Variants in VPS39 observed in about 807,000 individuals in gnomAD.
VPS39 encodes the protein VPS39 subunit of HOPS complex, also known as vam6/Vps39-like protein.
A neutral mutation model predicts 121.0 loss-of-function variants in VPS39; 70 were observed. That is an observed-to-expected ratio of 0.58 (90% CI 0.48 to 0.71). The LOEUF (loss-of-function observed/expected upper bound fraction) is 0.71, where lower values mean the gene tolerates loss of function less well. Ranked by LOEUF, VPS39 falls within the 30% of genes least tolerant of loss-of-function variation. VPS39 has a pLI of 0.00. For missense variants in VPS39, 818 were observed against 1,051.5 expected (o/e 0.78, Z 3.07); for synonymous variants, 378 against 398.1 (o/e 0.95, Z 0.60).
chr15:42,167,031 C>A, intron 13 of VPS39, 118 bp from the exon 14 acceptor site: 1 of 1,437,166 alleles, frequency 7.0e-7, no homozygotes. Flanking sequence ...AGAAAGCAGA[C>A]AGCCCTCTTT....
intron 10 of VPS39, among the ~76,000 whole-genome samples, chr15:42,175,142 G>A (rs762938071): frequency 2.6e-5 from 4 of 152,122 alleles, no homozygotes; most frequent in Admixed American, 6.5e-5. Context: ...GGCCGGGCGC[G>A]GTAGCTCACG....
At chr15:42,179,947 G>A (rs2049547929) in intron 8 of VPS39, among the ~76,000 whole-genome samples, 1 of 152,066 alleles carries the variant, frequency 6.6e-6, no homozygotes, top group African/African-American at 2.4e-5. Context: ...TTGTGGAGTG[G>A]GTTCTCTCTC....
chr15:42,170,770 T>TTTTG (rs2049332485), intron 11 of VPS39, among the ~76,000 whole-genome samples: 6 of 141,198 alleles, frequency 4.2e-5, no homozygotes, highest in South Asian at 2.3e-4. Flanking sequence ...TTTTTTTTTT[T>TTTTG]GAGACAGGGT....
At chr15:42,177,662 A>T (rs2049482508) in intron 10 of VPS39, among the ~76,000 whole-genome samples, 2 of 149,588 alleles carry the variant, frequency 1.3e-5, no homozygotes, top group South Asian at 4.2e-4. Flanking sequence ...TTATTCTCCC[A>T]TTAATTTTTT....
At chr15:42,193,101 A>T (rs2620378) in intron 2 of VPS39, among the ~76,000 whole-genome samples, 7,434 of 152,226 alleles carry the variant, frequency 0.049, 434 homozygotes, top group African/African-American at 0.12. Context: ...TTACAAACAG[A>T]ATTTTCTAAG....
At chr15:42,202,336 T>A (rs189817826) in intron 1 of VPS39, among the ~76,000 whole-genome samples, 2,172 of 152,210 alleles carry the variant, frequency 0.014, 47 homozygotes, top group African/African-American at 0.05. Flanking sequence ...ACAAAAAAAA[T>A]GTTGAAATCA....
At chr15:42,163,481 C>G (rs2049179751) in intron 20 of VPS39, 86 bp from the exon 21 acceptor site, 1 of 1,587,272 alleles carries the variant, frequency 6.3e-7, no homozygotes. Context: ...CTCGAGCAGC[C>G]TAACCACAGC....
At chr15:42,201,023 G>T (rs1446959688) in intron 1 of VPS39, among the ~76,000 whole-genome samples, 1 of 152,184 alleles carries the variant, frequency 6.6e-6, no homozygotes, top group Non-Finnish European at 1.5e-5. Context: ...ATTAGCGGTT[G>T]CCCAGGGCTG....
At position 42,178,302 on chromosome 15, in the gene VPS39, A is replaced by G. The variant is rs750631933; in HGVS notation, c.876T>C (p.Val292=). The change falls in exon 10 of 25, where the codon GTT becomes GTC. Residue 292 remains valine, a synonymous_variant. Transcript: ENST00000318006. ...NIIYVASNHF[V]WRLIPVPMAT... is the part of the protein sequence containing the mutation. ...CCATGGGGACAGGGATGAGTCTCCA[A>G]ACAAAATGATTGCTGGCCACATAGA... The G allele has an allele frequency of 3.1e-6, 5 of 1,614,184 alleles. No individual in the cohort carries two copies. Among genetic ancestry groups the G allele is most frequent in the Non-Finnish European group, 4.2e-6 (5 of 1,180,032 alleles).
intron 8 of VPS39, among the ~76,000 whole-genome samples, chr15:42,180,867 A>T (rs185019800): frequency 5.3e-4 from 81 of 152,334 alleles, no homozygotes; most frequent in African/African-American, 1.8e-3. Flanking sequence ...AATGAAAATA[A>T]CAAGTGTTGA....
intron 18 of VPS39, 69 bp downstream of exon 18, chr15:42,164,927 C>T: frequency 6.3e-7 from 1 of 1,597,144 alleles, no homozygotes; most frequent in Non-Finnish European, 8.5e-7. Context: ...ACCCCCACCA[C>T]ACGTGGCACC....
At chr15:42,202,469 T>C (rs926535066) in intron 1 of VPS39, among the ~76,000 whole-genome samples, 16 of 152,218 alleles carry the variant, frequency 1.1e-4, no homozygotes, top group Non-Finnish European at 2.1e-4. Context: ...TTTATAGATA[T>C]CATGATATCA....
chr15:42,202,794 C>G (rs2050093034), intron 1 of VPS39, among the ~76,000 whole-genome samples: 1 of 152,136 alleles, frequency 6.6e-6, no homozygotes, highest in African/African-American at 2.4e-5. Context: ...TCTCTGGGGA[C>G]CCCTGTGACA....
At chr15:42,180,591 T>C (rs965913359) in intron 8 of VPS39, among the ~76,000 whole-genome samples, 3 of 152,146 alleles carry the variant, frequency 2.0e-5, no homozygotes, top group Admixed American at 6.5e-5. Flanking sequence ...AGATTTAACA[T>C]AAATGGAGGG....
At chr15:42,175,005 G>A (rs1319381216) in intron 10 of VPS39, among the ~76,000 whole-genome samples, 1 of 152,152 alleles carries the variant, frequency 6.6e-6, no homozygotes, top group African/African-American at 2.4e-5. Context: ...TTAGCTAAAT[G>A]AGGCTGAGCA....
chr15:42,180,409 A>G (rs1206299875), intron 8 of VPS39, among the ~76,000 whole-genome samples: 1 of 152,090 alleles, frequency 6.6e-6, no homozygotes, highest in Non-Finnish European at 1.5e-5. Flanking sequence ...TATCCACTAT[A>G]TTTTTCTGTA....
chr15:42,179,894 A>G (rs1270995472), intron 8 of VPS39, among the ~76,000 whole-genome samples: 1 of 152,100 alleles, frequency 6.6e-6, no homozygotes, highest in African/African-American at 2.4e-5. Context: ...TTAGGTGGTG[A>G]GGCTCCAGCC....
At position 42,165,755 on chromosome 15, in the gene VPS39, A is replaced by G; in HGVS notation, c.1742T>C (p.Leu581Ser). ...AGCCAGACCCTTAAAATTCTCTATTAAGAAGCCGAGGACTCGATCACGTGG... is the reference window on the plus strand; with the variant it reads ...AGCCAGACCCTTAAAATTCTCTATTGAGAAGCCGAGGACTCGATCACGTGG... ...SLPRDRVLGF[L>S]IENFKGLAIP... The change falls in exon 17 of 25, where the codon TTA (leucine) becomes TCA (serine). Residue 581 changes from leucine to serine, a missense_variant. Coordinates refer to ENST00000318006, the MANE Select transcript of VPS39 (RefSeq NM_015289.5). 1 of 1,614,154 alleles carries G rather than the reference A, an allele frequency of 6.2e-7. No individual in the cohort carries two copies. Among genetic ancestry groups the G allele is most frequent in the Non-Finnish European group, 8.5e-7 (1 of 1,180,016 alleles).
rs1238111981 is a variant in VPS39, at chr15:42,173,790, A to G, written c.1023T>C (p.Tyr341=). ...GCTTCTGGCAGAAGAGGTTGAAGGC[A>G]TACAAGTTCTTGATGTGATGAATTT... ...QQQIHHIKNL[Y]AFNLFCQKRF... The change falls in exon 11 of 25, where the codon TAT becomes TAC. Residue 341 remains tyrosine, a synonymous_variant. Transcript: ENST00000318006. 5 of 1,614,112 alleles carry G rather than the reference A, an allele frequency of 3.1e-6. No individual in the cohort carries two copies. The highest frequency in any genetic ancestry group is 3.4e-6 in the Non-Finnish European group (4 of 1,180,044).
Sources: allele counts gnomAD v4.1 joint callset (sites outside exome capture counted in the v4.1 genomes callset), GRCh38; gene constraint gnomAD v4.1.1; transcripts MANE v1.5; gene names NCBI Gene and HGNC (gene_info 2026-07-23, HGNC 2026-07-21).